Variants in CHD7 observed in about 807,000 individuals in gnomAD.
The protein encoded by CHD7 is chromodomain helicase DNA binding protein 7.
A neutral mutation model predicts 307.3 loss-of-function variants in CHD7; 24 were observed. The observed-to-expected ratio is 0.08, with a 90% confidence interval of 0.06 to 0.11. The LOEUF is 0.11. Ranked by LOEUF, CHD7 falls within the 10% of genes least tolerant of loss-of-function variation. CHD7 has a pLI of 1.00. For missense variants in CHD7, 3,106 were observed against 3,727.1 expected, an observed-to-expected ratio of 0.83 and a Z score of 4.34; for synonymous variants, 1,363 against 1,349.9, an observed-to-expected ratio of 1.01 and a Z score of -0.21.
intron 5 of CHD7, 127 bp from the exon 6 acceptor site, chr8:60,801,401 A>G (rs1812303904): frequency 1.5e-6 from 1 of 655,400 alleles, no homozygotes; most frequent in South Asian, 2.0e-5. Context: ...CGTGTTTCTC[A>G]CTGATAACTT....
chr8:60,860,869 G>C, intron 34 of CHD7, 35 bp from the exon 35 acceptor site: 4 of 1,496,432 alleles, frequency 2.7e-6, no homozygotes, highest in Non-Finnish European at 3.7e-6. Context: ...CTCTCTCTTC[G>C]TGTGAGAATT....
At chr8:60,751,190 C>G (rs906986228) in intron 2 of CHD7, among the ~76,000 whole-genome samples, 1 of 152,192 alleles carries the variant, frequency 6.6e-6, no homozygotes, top group Non-Finnish European at 1.5e-5. Context: ...TTCCTCACCT[C>G]TATCCCCTAG....
intron 13 of CHD7, among the ~76,000 whole-genome samples, chr8:60,825,568 G>A (rs989625425): frequency 2.0e-5 from 3 of 152,200 alleles, no homozygotes; most frequent in Non-Finnish European, 4.4e-5. Flanking sequence ...TTAAAATGAA[G>A]TAAACTTGTA....
chr8:60,734,919 T>A (rs1476861330), intron 1 of CHD7, among the ~76,000 whole-genome samples: 1 of 152,234 alleles, frequency 6.6e-6, no homozygotes, highest in Non-Finnish European at 1.5e-5. Context: ...GTGAAAGCGT[T>A]GAGACCAGAA....
intron 17 of CHD7, 42 bp from the exon 18 acceptor site, chr8:60,837,626 T>C: frequency 6.8e-7 from 1 of 1,461,960 alleles, no homozygotes; most frequent in East Asian, 2.5e-5. Flanking sequence ...GACAGAAACA[T>C]TAGGTTCATT....
chr8:60,837,870 C>T (rs1340838723), intron 18 of CHD7, 35 bp downstream of exon 18: 2 of 1,563,562 alleles, frequency 1.3e-6, no homozygotes, highest in Non-Finnish European at 1.7e-6. Context: ...TTTATTTATT[C>T]TGGCACTTTC....
At position 60,865,372 on chromosome 8, in the gene CHD7, C is replaced by T; in HGVS notation, c.8433C>T (p.Gly2811=). ...PGMAGLPNVF[G]LGGLLNNPLS... ...TGGCGGGCCTGCCCAACGTGTTTGG[C>T]TTGGGCGGGCTGTTGAATAACCCTC... is the stretch of plus-strand genomic sequence containing the variant. Residue 2811 remains glycine, a synonymous_variant, in exon 38 of 38, where the codon GGC becomes GGT. Transcript: ENST00000423902. The surrounding 1 kb of genome is among the most constrained non-coding windows in gnomAD (Gnocchi z 4.3). 1 of 1,612,222 alleles carries T rather than the reference C, an allele frequency of 6.2e-7. No homozygotes were observed. Among genetic ancestry groups the T allele is most frequent in the Non-Finnish European group, 8.5e-7 (1 of 1,179,292 alleles).
At chr8:60,687,694 C>T (rs1805978949) in intron 1 of CHD7, among the ~76,000 whole-genome samples, 1 of 152,184 alleles carries the variant, frequency 6.6e-6, no homozygotes, top group Non-Finnish European at 1.5e-5. Flanking sequence ...AGTTACTCAG[C>T]TGAGTGTTGT....
intron 2 of CHD7, among the ~76,000 whole-genome samples, chr8:60,746,091 T>G (rs1189923456): frequency 6.6e-6 from 1 of 152,218 alleles, no homozygotes; most frequent in Admixed American, 6.5e-5. Context: ...CTGGAGTCAG[T>G]GGCGCAATCT....
chr8:60,847,476 A>G (rs769795065), intron 23 of CHD7, among the ~76,000 whole-genome samples: 1 of 152,348 alleles, frequency 6.6e-6, no homozygotes, highest in Non-Finnish European at 1.5e-5. Context: ...CGTGAAGATC[A>G]AAAGGGCTAG....
In CHD7 at chr8:60,856,603, T is replaced by C; in HGVS notation, c.7323T>C (p.Val2441=). The C allele has an allele frequency of 6.2e-7, 1 of 1,614,006 alleles. No homozygotes were observed. The highest frequency in any genetic ancestry group is 8.5e-7 in the Non-Finnish European group (1 of 1,179,884). The part of the protein sequence containing the change: ...QVVSENGQEK[V]VDLSKASREA... ...TCTCAGAAAATGGACAAGAAAAAGT[T>C]GTAGATTTATCAAAGGCCTCAAGAG... The change falls in exon 34 of 38, where the codon GTT becomes GTC. Residue 2441 remains valine (V), a synonymous_variant. Coordinates refer to ENST00000423902, the MANE Select transcript of CHD7 (RefSeq NM_017780.4).
chr8:60,755,936 C>T (rs776692785), intron 2 of CHD7, among the ~76,000 whole-genome samples: 16 of 152,058 alleles, frequency 1.1e-4, no homozygotes, highest in Admixed American at 7.2e-4. Flanking sequence ...TAGTACTGTC[C>T]GTGATCTTTC....
chr8:60,818,093 G>A (rs1346324390), intron 8 of CHD7, among the ~76,000 whole-genome samples: 3 of 152,182 alleles, frequency 2.0e-5, no homozygotes, highest in African/African-American at 7.2e-5. Flanking sequence ...TAGCAGAGAA[G>A]GATAGCAATC....
intron 2 of CHD7, among the ~76,000 whole-genome samples, chr8:60,770,127 T>C (rs2150642399): frequency 6.6e-6 from 1 of 152,334 alleles, no homozygotes; most frequent in African/African-American, 2.4e-5. Context: ...TACATACACA[T>C]TGCTTTCTCT....
At chr8:60,717,229 A>G (rs942998895) in intron 1 of CHD7, among the ~76,000 whole-genome samples, 6 of 152,208 alleles carry the variant, frequency 3.9e-5, no homozygotes, top group Admixed American at 3.9e-4. Flanking sequence ...TTGGAATTAT[A>G]GTGATTTGCT....
intron 1 of CHD7, among the ~76,000 whole-genome samples, chr8:60,716,448 C>G (rs150991988): frequency 1.3e-5 from 2 of 152,330 alleles, no homozygotes; most frequent in African/African-American, 4.8e-5. Context: ...TGCTCAGGTG[C>G]CAGTTCCCCT....
intron 1 of CHD7, among the ~76,000 whole-genome samples, chr8:60,703,800 G>A (rs146268580): frequency 1.6e-4 from 24 of 152,176 alleles, no homozygotes; most frequent in African/African-American, 5.6e-4. Context: ...TTATTCTGCT[G>A]CATCTCTGAA....
chr8:60,805,440 C>T (rs1222861959), intron 6 of CHD7, among the ~76,000 whole-genome samples: 1 of 152,158 alleles, frequency 6.6e-6, no homozygotes, highest in East Asian at 1.9e-4. Flanking sequence ...GTACCAGCTC[C>T]AGGTGCTGCT....
intron 1 of CHD7, among the ~76,000 whole-genome samples, chr8:60,730,082 AG>A (rs1563549715): frequency 6.6e-6 from 1 of 152,260 alleles, no homozygotes; most frequent in Admixed American, 6.5e-5. Flanking sequence ...GTGCAAAAAA[AG>A]TAATAAAAGA....
Sources: allele counts gnomAD v4.1 joint callset (sites outside exome capture counted in the v4.1 genomes callset), GRCh38; gene constraint gnomAD v4.1.1; non-coding constraint Gnocchi (gnomAD v3.1); transcripts MANE v1.5; gene names NCBI Gene and HGNC (gene_info 2026-07-23, HGNC 2026-07-21).